PIK3C3: variants seen among roughly 807,000 people sequenced by gnomAD.
The protein encoded by PIK3C3 is PI3-kinase type 3.
In PIK3C3, 95 loss-of-function variants were observed where a neutral mutation model predicts 126.1. The observed-to-expected ratio is 0.75, with a 90% confidence interval of 0.64 to 0.89. PIK3C3 has a LOEUF of 0.89. Ranked by LOEUF, PIK3C3 falls within the 40% of genes least tolerant of loss-of-function variation. The probability of loss-of-function intolerance (pLI) is 0.00; values close to 1 mark genes in which losing one functional copy is unlikely to be tolerated. For synonymous variants in PIK3C3, 374 were observed against 360.0 expected (o/e 1.04, Z -0.44); for missense variants, 829 against 1,063.2 (o/e 0.78, Z 3.06).
Position 42,037,953 on chromosome 18 carries a change from C to G in PIK3C3, c.1968+133C>G, listed in dbSNP as rs1598919512. 5.2e-6 allele frequency: 4 copies of G among 773,822 alleles called. No individual in the cohort carries two copies. The East Asian group carries it at 1.0e-4, about 19-fold the overall frequency. 47.9% of individuals were successfully genotyped at this position (773,822 alleles called of 1,614,324 possible). ...ATCCTAGAAAGCTCAACAGTCTCCA[C>G]TTGACCTTGAAAAAATTTAGTTGCT... On this transcript the variant is annotated intron_variant, in intron 17 of 24. Coordinates refer to ENST00000262039, the MANE Select transcript of PIK3C3 (RefSeq NM_002647.4).
In PIK3C3 at chr18:42,087,049, A is replaced by G. The variant is rs989256087; in HGVS notation, c.*5912A>G. On this transcript the variant is annotated 3_prime_UTR_variant, in exon 25 of 25. Coordinates refer to ENST00000262039, the MANE Select transcript of PIK3C3 (RefSeq NM_002647.4). ...GTACACTTTTTCCCCCCTTTCCTCT[A>G]TTTTTAAAAGAACTTTCAGCCCTTT... 3 of 151,880 alleles carry G rather than the reference A, an allele frequency of 2.0e-5. No homozygotes were observed. In the East Asian group the frequency reaches 5.8e-4, roughly 29 times the overall value. The allele number at this position is 151,880 out of a possible 1,614,324, so 9.4% of individuals were successfully genotyped here.
chr18:41,982,634 A>G (rs1981263163), intron 4 of PIK3C3, among the ~76,000 whole-genome samples: 1 of 152,228 alleles, frequency 6.6e-6, no homozygotes, highest in Non-Finnish European at 1.5e-5. Flanking sequence ...AAGATAATAT[A>G]CATCTTCTAC....
At chr18:42,015,598 G>C in intron 12 of PIK3C3, 32 bp downstream of exon 12, 1 of 1,466,430 alleles carries the variant, frequency 6.8e-7, no homozygotes, top group South Asian at 1.1e-5. Context: ...CTTCCTATAG[G>C]AGAGATCCTA....
intron 13 of PIK3C3, chr18:42,025,823 G>C (rs1446356312): frequency 6.6e-6 from 1 of 152,128 alleles, no homozygotes; most frequent in Non-Finnish European, 1.5e-5. Context: ...TAATGAGATA[G>C]TAGCTAAATC....
intron 2 of PIK3C3, among the ~76,000 whole-genome samples, chr18:41,961,294 G>C (rs1344344313): frequency 6.6e-6 from 1 of 152,150 alleles, no homozygotes; most frequent in Non-Finnish European, 1.5e-5. Flanking sequence ...ATTAACTTCT[G>C]TGGTTTATTC....
At chr18:42,069,319 A>G (rs998957107) in intron 24 of PIK3C3, among the ~76,000 whole-genome samples, 3 of 152,214 alleles carry the variant, frequency 2.0e-5, no homozygotes, top group African/African-American at 7.2e-5. Context: ...CTTGCTCTAC[A>G]TATAGCAGAA....
chr18:42,007,683 A>G (rs1449338104), intron 10 of PIK3C3, among the ~76,000 whole-genome samples: 1 of 152,086 alleles, frequency 6.6e-6, no homozygotes, highest in Non-Finnish European at 1.5e-5. Context: ...TTCTGTTACA[A>G]TATTTGTTTT....
At chr18:42,073,095 CAG>C (rs1287258174) in intron 24 of PIK3C3, among the ~76,000 whole-genome samples, 3 of 152,240 alleles carry the variant, frequency 2.0e-5, no homozygotes, top group Middle Eastern at 3.4e-3. Context: ...TAACTAGAGA[CAG>C]AGGTTTTTGT....
At chr18:41,985,599 C>A (rs1568122338) in intron 4 of PIK3C3, among the ~76,000 whole-genome samples, 2 of 152,236 alleles carry the variant, frequency 1.3e-5, no homozygotes, top group South Asian at 4.1e-4. Context: ...ACAGTTCTCA[C>A]TATTGATGAA....
intron 9 of PIK3C3, among the ~76,000 whole-genome samples, chr18:42,001,739 G>A (rs889395580): frequency 6.6e-6 from 1 of 152,052 alleles, no homozygotes; most frequent in Non-Finnish European, 1.5e-5. Context: ...GTTTTAGATT[G>A]TTTCAGTTAT....
intron 24 of PIK3C3, among the ~76,000 whole-genome samples, chr18:42,076,118 A>ATATATATATG (rs1985983549): frequency 1.0e-4 from 7 of 66,678 alleles, no homozygotes; most frequent in African/African-American, 4.0e-4. Context: ...ATATATATAT[A>ATATATATATG]TATGCGCATA....
chr18:42,007,402 A>G (rs1234022323), intron 10 of PIK3C3, among the ~76,000 whole-genome samples: 1 of 151,960 alleles, frequency 6.6e-6, no homozygotes, highest in African/African-American at 2.4e-5. Context: ...CATGAATTTT[A>G]GAATAATTTT....
chr18:42,020,746 TAAG>T, intron 13 of PIK3C3, 41 bp downstream of exon 13: 2 of 1,113,650 alleles, frequency 1.8e-6, no homozygotes, highest in Non-Finnish European at 2.7e-6. Context: ...TTATTACCCT[TAAG>T]AATTATTTTT....
At chr18:41,996,910 A>C (rs530957888) in intron 9 of PIK3C3, among the ~76,000 whole-genome samples, 180 bp downstream of exon 9, 86 of 152,246 alleles carry the variant, frequency 5.6e-4, no homozygotes, top group Non-Finnish European at 9.4e-4. Flanking sequence ...AGACACCTGT[A>C]CCTGTTTGTT....
At chr18:42,014,854 C>A (rs757206084) in intron 11 of PIK3C3, among the ~76,000 whole-genome samples, 6 of 152,052 alleles carry the variant, frequency 3.9e-5, no homozygotes, top group Admixed American at 1.3e-4. Context: ...ATTTTTCTTT[C>A]CCAGGTTACT....
Position 42,054,162 on chromosome 18 carries a change from A to ATC in PIK3C3, c.2264-3720_2264-3719insCT, listed in dbSNP as rs1568002774. On this transcript the variant is annotated intron_variant, in intron 21 of 24. Coordinates refer to ENST00000262039, the MANE Select transcript of PIK3C3 (RefSeq NM_002647.4). Reference sequence around the variant, plus strand: ...TATATATATATATATATATATATATATATATATATATATATATATATATAT... The same window carrying ATC: ...TATATATATATATATATATATATATATCTATATATATATATATATATATATAT... Among the ~76,000 whole-genome samples the ATC allele has an allele frequency of 1.5e-4, 7 of 46,626 alleles. No individual in the cohort carries two copies. In the East Asian group the frequency reaches 4.1e-3, roughly 28 times the overall value. The allele number at this position is 46,626 out of a possible 152,430, so 30.6% of individuals were successfully genotyped here. A position where few individuals can be genotyped will look rare whatever the true frequency, so the allele number is the denominator to read the frequency against.
At chr18:42,001,753 A>G (rs1197924177) in intron 9 of PIK3C3, among the ~76,000 whole-genome samples, 2 of 152,194 alleles carry the variant, frequency 1.3e-5, no homozygotes, top group Non-Finnish European at 2.9e-5. Context: ...CAGTTATTGA[A>G]TTGAGTACAT....
At chr18:41,996,039 G>C in intron 8 of PIK3C3, 45 bp downstream of exon 8, 1 of 1,286,648 alleles carries the variant, frequency 7.8e-7, no homozygotes, top group Non-Finnish European at 1.1e-6. Context: ...TTAAATGGGT[G>C]TTCTGGTTGA....
At chr18:42,025,097 C>T (rs1285649990) in intron 13 of PIK3C3, among the ~76,000 whole-genome samples, 1 of 152,150 alleles carries the variant, frequency 6.6e-6, no homozygotes, top group African/African-American at 2.4e-5. Context: ...CAGGCATGAG[C>T]CACCACGCCC....
Sources: allele counts gnomAD v4.1 joint callset (sites outside exome capture counted in the v4.1 genomes callset), GRCh38; gene constraint gnomAD v4.1.1; transcripts MANE v1.5; gene names NCBI Gene and HGNC (gene_info 2026-07-23, HGNC 2026-07-21).